LIX1: variants seen among roughly 807,000 people sequenced by gnomAD.
LIX1 encodes the protein limb and CNS expressed 1, also known as protein limb expression 1 homolog.
A neutral mutation model predicts 33.4 loss-of-function variants in LIX1; 24 were observed. The ratio of observed to expected loss-of-function variants is 0.72; its 90% CI spans 0.52 to 1.01. The LOEUF is 1.01. Ranked by LOEUF, LIX1 falls within the 50% of genes least tolerant of loss-of-function variation. The pLI, the probability that LIX1 is intolerant of heterozygous loss-of-function variation, is 0.00. For synonymous variants in LIX1, 124 were observed against 124.0 expected, an observed-to-expected ratio of 1.00 and a Z score of 0.00; for missense variants, 311 against 339.2, an observed-to-expected ratio of 0.92 and a Z score of 0.65.
chr5:97,142,518 T>G lies in LIX1; in HGVS notation c.59A>C (p.Asp20Ala). Residue 20 changes from aspartate (D) to alanine (A), a missense_variant, in exon 1 of 6, where the codon GAT (aspartate) becomes GCT (alanine). Coordinates refer to ENST00000274382, the MANE Select transcript of LIX1 (RefSeq NM_153234.5). ...HIIAQVLPHR[D>A]PALVFKDLNV... ...ACAGTCTTTGAAGACTAGAGCCGGATCTCTGTGAGGCAAGACTTGGGCAAT... is the reference window on the plus strand; with the variant it reads ...ACAGTCTTTGAAGACTAGAGCCGGAGCTCTGTGAGGCAAGACTTGGGCAAT... 1 of 1,614,092 alleles carries G rather than the reference T, an allele frequency of 6.2e-7. No individual in the cohort carries two copies. The highest frequency in any genetic ancestry group is 1.1e-5 in the South Asian group (1 of 91,084).
intron 1 of LIX1, among the ~76,000 whole-genome samples, chr5:97,137,863 T>C (rs1248239082): frequency 1.3e-5 from 2 of 152,178 alleles, no homozygotes; most frequent in South Asian, 4.1e-4. Flanking sequence ...TATAAATTTA[T>C]TGATTTCACA....
chr5:97,108,557 A>T (rs1468462001), intron 2 of LIX1, among the ~76,000 whole-genome samples: 1 of 152,156 alleles, frequency 6.6e-6, no homozygotes, highest in Non-Finnish European at 1.5e-5. Flanking sequence ...TAAGTACTGG[A>T]CTGTCCCTGG....
intron 2 of LIX1, 126 bp from the exon 3 acceptor site, chr5:97,107,626 A>G (rs1033668947): frequency 1.1e-5 from 11 of 1,013,720 alleles, no homozygotes; most frequent in Non-Finnish European, 1.6e-5. Context: ...CTGTTCATAT[A>G]CATTGCTAAT....
intron 1 of LIX1, among the ~76,000 whole-genome samples, chr5:97,130,977 G>A (rs1345129276): frequency 6.6e-6 from 1 of 152,190 alleles, no homozygotes; most frequent in African/African-American, 2.4e-5. Flanking sequence ...CTTCTTCACT[G>A]TATTTTGAAA....
chr5:97,118,679 A>G (rs1747697564), intron 2 of LIX1, among the ~76,000 whole-genome samples: 1 of 152,142 alleles, frequency 6.6e-6, no homozygotes, highest in African/African-American at 2.4e-5. Context: ...ATGTGTTTCA[A>G]TACAACTTTC....
intron 1 of LIX1, among the ~76,000 whole-genome samples, chr5:97,131,210 A>G (rs1170731180): frequency 6.6e-6 from 1 of 152,152 alleles, no homozygotes; most frequent in Non-Finnish European, 1.5e-5. Flanking sequence ...TTCAGCCTGG[A>G]CAGTCTCATC....
rs1746955696 is a variant in LIX1 at position 97,105,297 on chromosome 5, A to G, written c.388-12T>C. ...TCATCTAAGGTGCCCTTGGGAAAGA[A>G]AGCAGAAAAAGAAAAATTACTGATT... On this transcript the variant is annotated splice_polypyrimidine_tract_variant and intron_variant, in intron 3 of 5. Transcript: ENST00000274382. 1.2e-6 allele frequency: 2 copies of G among 1,607,808 alleles called. No homozygotes were observed. Among genetic ancestry groups the G allele is most frequent in the Non-Finnish European group, 8.5e-7 (1 of 1,175,094 alleles).
intron 1 of LIX1, among the ~76,000 whole-genome samples, chr5:97,132,161 A>C (rs544202828): frequency 1.1e-3 from 167 of 152,350 alleles, no homozygotes; most frequent in African/African-American, 3.8e-3. Flanking sequence ...TGGCATTGGC[A>C]TGTCTATGTG....
intron 2 of LIX1, among the ~76,000 whole-genome samples, chr5:97,116,059 T>C (rs1747627569): frequency 6.6e-6 from 1 of 152,178 alleles, no homozygotes; most frequent in Non-Finnish European, 1.5e-5. Context: ...GTCCGACTTT[T>C]AGCAAGTGAC....
rs1242880892 is a variant in LIX1 at position 97,094,448 on chromosome 5, G to A, written c.*300C>T. The stretch of plus-strand genomic sequence containing the variant: ...ATATATATAAAATCAAGCAAGGCAC[G>A]TGACAGTCAGGCTTTAGGTTGGAGC... On this transcript the variant is annotated 3_prime_UTR_variant, in exon 6 of 6. Transcript: ENST00000274382. 9 of 372,172 alleles carry A rather than the reference G, an allele frequency of 2.4e-5. No individual in the cohort carries two copies. Among genetic ancestry groups the A allele is most frequent in the South Asian group, 1.5e-4 (3 of 19,894 alleles). 23.1% of individuals were successfully genotyped at this position (372,172 alleles called of 1,614,324 possible).
intron 1 of LIX1, among the ~76,000 whole-genome samples, chr5:97,141,833 A>G (rs1748298155): frequency 6.6e-6 from 1 of 152,230 alleles, no homozygotes; most frequent in African/African-American, 2.4e-5. Flanking sequence ...TAGTATTGCT[A>G]GAATTGGAAA....
At chr5:97,095,804 A>G (rs552605486) in intron 5 of LIX1, among the ~76,000 whole-genome samples, 1 of 152,344 alleles carries the variant, frequency 6.6e-6, no homozygotes, top group South Asian at 2.1e-4. Flanking sequence ...ATTTTCAAGA[A>G]CATATGGTAT....
At chr5:97,122,098 A>G (rs1747799298) in intron 2 of LIX1, among the ~76,000 whole-genome samples, 1 of 152,172 alleles carries the variant, frequency 6.6e-6, no homozygotes, top group South Asian at 2.1e-4. Context: ...CCACATTCAA[A>G]TCATCCTCCT....
At chr5:97,130,110 A>G (rs956905852) in intron 1 of LIX1, among the ~76,000 whole-genome samples, 3 of 152,216 alleles carry the variant, frequency 2.0e-5, no homozygotes, top group African/African-American at 4.8e-5. Flanking sequence ...ATACCCACAG[A>G]CTGGCTCAGG....
chr5:97,138,538 C>T (rs1748215849), intron 1 of LIX1, among the ~76,000 whole-genome samples: 1 of 152,172 alleles, frequency 6.6e-6, no homozygotes, highest in Non-Finnish European at 1.5e-5. Context: ...CTGTTAACTC[C>T]AATGGCTCCC....
chr5:97,111,144 A>G (rs1747366698), intron 2 of LIX1, among the ~76,000 whole-genome samples: 1 of 152,052 alleles, frequency 6.6e-6, no homozygotes. Context: ...CTCTGCTCCC[A>G]CCGTCTCCTG....
At chr5:97,117,922 A>C (rs1747677828) in intron 2 of LIX1, among the ~76,000 whole-genome samples, 1 of 40,452 alleles carries the variant, frequency 2.5e-5, no homozygotes, top group South Asian at 9.4e-4. Context: ...TTACAAATGG[A>C]AAAAAAAAAA....
chr5:97,102,532 T>G lies in LIX1; in HGVS notation c.483+2658A>C, dbSNP rs140176968. ...CTGCCCTCACATCTTCCTCTTCCTTTGTCTCCATCCTGTATCCAGACTCCT... is the reference window on the plus strand; with the variant it reads ...CTGCCCTCACATCTTCCTCTTCCTTGGTCTCCATCCTGTATCCAGACTCCT... On this transcript the variant is annotated intron_variant, in intron 4 of 5. Coordinates refer to ENST00000274382, the MANE Select transcript of LIX1 (RefSeq NM_153234.5). Among the ~76,000 whole-genome samples, 12 of 152,336 alleles carry G rather than the reference T, an allele frequency of 7.9e-5. No homozygotes were observed. The East Asian group carries it at 2.1e-3, about 27-fold the overall frequency.
chr5:97,124,751 T>C (rs1747874911), intron 1 of LIX1, 122 bp from the exon 2 acceptor site: 6 of 645,418 alleles, frequency 9.3e-6, no homozygotes, highest in Non-Finnish European at 1.5e-5. Flanking sequence ...GAGCTGGGTA[T>C]GTGGATAGTG....
Sources: gnomAD v4.1 joint callset for allele counts (sites outside exome capture counted in the v4.1 genomes callset) on GRCh38, gnomAD v4.1.1 for gene constraint, MANE v1.5 for transcripts, NCBI Gene and HGNC (gene_info 2026-07-23, HGNC 2026-07-21) for gene names.